PTPRG: variants seen among roughly 807,000 people sequenced by gnomAD.
PTPRG encodes the protein protein tyrosine phosphatase receptor type G, also known as receptor-type tyrosine-protein phosphatase gamma.
In PTPRG, 102 loss-of-function variants were observed where a neutral mutation model predicts 165.3. The ratio of observed to expected loss-of-function variants is 0.62; its 90% CI spans 0.53 to 0.73. The LOEUF (loss-of-function observed/expected upper bound fraction) is 0.73. Ranked by LOEUF, PTPRG falls within the 30% of genes least tolerant of loss-of-function variation. The pLI is 0.00. For synonymous variants in PTPRG, 675 were observed against 669.5 expected (o/e 1.01, Z -0.13); for missense variants, 1,866 against 1,861.4 (o/e 1.00, Z -0.05).
intron 5 of PTPRG, among the ~76,000 whole-genome samples, chr3:62,083,242 G>A (rs1311604324): frequency 6.6e-6 from 1 of 150,836 alleles, no homozygotes; most frequent in Non-Finnish European, 1.5e-5. Context: ...AATAGTAATC[G>A]CGGTTTTTGC....
chr3:61,677,255 A>AG (rs1703266347), intron 1 of PTPRG, among the ~76,000 whole-genome samples: 1 of 151,826 alleles, frequency 6.6e-6, no homozygotes, highest in Admixed American at 6.6e-5. Context: ...AAAAAAAAAA[A>AG]AAAAAAAAAG....
intron 2 of PTPRG, among the ~76,000 whole-genome samples, chr3:61,871,995 C>G (rs566631032): frequency 1.3e-5 from 2 of 152,338 alleles, no homozygotes; most frequent in East Asian, 1.9e-4. Context: ...CCTGCTTGCT[C>G]TATTCTTTTT....
chr3:62,278,298 CA>C (rs754855299), intron 26 of PTPRG, among the ~76,000 whole-genome samples: 17 of 151,964 alleles, frequency 1.1e-4, no homozygotes, highest in South Asian at 8.3e-4. Flanking sequence ...TTTCCCACTC[CA>C]TAGGCAAGTC....
chr3:61,742,159 G>A (rs1265413502), intron 1 of PTPRG, among the ~76,000 whole-genome samples: 1 of 152,078 alleles, frequency 6.6e-6, no homozygotes, highest in Non-Finnish European at 1.5e-5. Context: ...TTCCCCGGAA[G>A]TCAATATTTC....
At chr3:61,822,625 T>TA (rs1434175581) in intron 2 of PTPRG, among the ~76,000 whole-genome samples, 1 of 152,234 alleles carries the variant, frequency 6.6e-6, no homozygotes, top group African/African-American at 2.4e-5. Context: ...CTACATCCTT[T>TA]AGAGTGTTAT....
chr3:61,932,519 C>T (rs560173347), intron 2 of PTPRG, among the ~76,000 whole-genome samples: 1 of 152,340 alleles, frequency 6.6e-6, no homozygotes, highest in African/African-American at 2.4e-5. Context: ...ATAAAAACCT[C>T]TAATACGGTC....
At chr3:61,702,935 C>T (rs1408647494) in intron 1 of PTPRG, among the ~76,000 whole-genome samples, 1 of 152,212 alleles carries the variant, frequency 6.6e-6, no homozygotes, top group Admixed American at 6.5e-5. Flanking sequence ...CTGTAAAGAG[C>T]AATCTTGTAA....
At chr3:61,673,997 CAT>C (rs1703126894) in intron 1 of PTPRG, among the ~76,000 whole-genome samples, 1 of 132,862 alleles carries the variant, frequency 7.5e-6, no homozygotes, top group Admixed American at 8.3e-5. Flanking sequence ...AACATGGACA[CAT>C]GGAGGGGAAC....
chr3:62,248,064 G>T (rs147444781), intron 15 of PTPRG, among the ~76,000 whole-genome samples: 1 of 152,120 alleles, frequency 6.6e-6, no homozygotes, highest in Admixed American at 6.5e-5. Flanking sequence ...TGCAAAATAT[G>T]GAAATGCTAG....
intron 2 of PTPRG, among the ~76,000 whole-genome samples, chr3:61,823,593 A>G (rs2036018994): frequency 6.6e-6 from 1 of 151,766 alleles, no homozygotes; most frequent in African/African-American, 2.4e-5. Context: ...CATTTAGAAT[A>G]GATGTTAATG....
chr3:62,179,933 G>A (rs1217208558), intron 8 of PTPRG, among the ~76,000 whole-genome samples: 1 of 152,222 alleles, frequency 6.6e-6, no homozygotes, highest in East Asian at 1.9e-4. Context: ...CCAGAGCAGA[G>A]AACAAGTAGG....
At chr3:61,636,550 G>A (rs543567142) in intron 1 of PTPRG, among the ~76,000 whole-genome samples, 9 of 152,130 alleles carry the variant, frequency 5.9e-5, no homozygotes, top group African/African-American at 2.2e-4. Context: ...TCGAACTCCC[G>A]GCCTCAAGTG....
At chr3:61,718,551 G>A (rs1474678963) in intron 1 of PTPRG, among the ~76,000 whole-genome samples, 1 of 152,184 alleles carries the variant, frequency 6.6e-6, no homozygotes, top group African/African-American at 2.4e-5. Context: ...TTATGGGAGT[G>A]AGCAGAAAGC....
intron 16 of PTPRG, among the ~76,000 whole-genome samples, chr3:62,258,073 C>T (rs1006096242): frequency 6.6e-6 from 1 of 152,016 alleles, no homozygotes; most frequent in African/African-American, 2.4e-5. Flanking sequence ...GGTGCCTTAA[C>T]AATACAAAAG....
intron 28 of PTPRG, among the ~76,000 whole-genome samples, chr3:62,288,078 A>G (rs1349607716): frequency 6.6e-6 from 1 of 152,008 alleles, no homozygotes; most frequent in Non-Finnish European, 1.5e-5. Context: ...ACAGTGTCTA[A>G]AACTAAATGA....
chr3:61,680,164 C>T (rs576078427), intron 1 of PTPRG, among the ~76,000 whole-genome samples: 1 of 152,300 alleles, frequency 6.6e-6, no homozygotes, highest in African/African-American at 2.4e-5. Context: ...AATAGGATGG[C>T]CATCTGCCCC....
chr3:62,099,943 C>A lies in PTPRG; in HGVS notation c.615+21685C>A, dbSNP rs1428493452. On this transcript the variant is annotated intron_variant, in intron 5 of 29. Transcript: ENST00000474889. ...CCTCCGGAGTAGCTGGGACTACAGG[C>A]GTGCACCACCAAGCCCGGCTAATTT... Among the ~76,000 whole-genome samples the A allele has an allele frequency of 4.6e-5, 7 of 151,710 alleles. No individual in the cohort carries two copies. The East Asian group carries it at 1.4e-3, about 29-fold the overall frequency.
At chr3:61,822,537 C>G (rs938450623) in intron 2 of PTPRG, among the ~76,000 whole-genome samples, 1 of 152,192 alleles carries the variant, frequency 6.6e-6, no homozygotes, top group Non-Finnish European at 1.5e-5. Flanking sequence ...AAAATGCTTT[C>G]TGTCCTCAGA....
chr3:62,206,302 G>A (rs1159738849), intron 12 of PTPRG, among the ~76,000 whole-genome samples: 6 of 152,110 alleles, frequency 3.9e-5, no homozygotes, highest in African/African-American at 1.2e-4. Flanking sequence ...GTAGGTCCTC[G>A]GCTTCCACCC....
Sources: allele counts gnomAD v4.1 joint callset (sites outside exome capture counted in the v4.1 genomes callset), GRCh38; gene constraint gnomAD v4.1.1; transcripts MANE v1.5; gene names NCBI Gene and HGNC (gene_info 2026-07-23, HGNC 2026-07-21).